UBE4A: variants seen among roughly 807,000 people sequenced by gnomAD.
UBE4A encodes the protein ubiquitin conjugation factor E4 A.
Under a neutral mutation model 117.9 loss-of-function variants are expected in UBE4A, and 48 were observed. The observed-to-expected ratio is 0.41, with a 90% CI of 0.32 to 0.52. The LOEUF is 0.52. Among genes scored for constraint, UBE4A ranks in the 20% least tolerant of loss-of-function variants. UBE4A has a pLI of 0.33. For missense variants in UBE4A, 1,067 were observed against 1,296.3 expected (o/e 0.82, Z 2.72); for synonymous variants, 407 against 450.0 (o/e 0.90, Z 1.21).
At chr11:118,373,736 C>A in intron 8 of UBE4A, 51 bp downstream of exon 8, 1 of 1,560,734 alleles carries the variant, frequency 6.4e-7, no homozygotes. Flanking sequence ...AAAGAGTTTT[C>A]TCAGAAAGCA....
chr11:118,390,809 G>A lies in UBE4A; in HGVS notation c.2916+5G>A. On this transcript the variant is annotated splice_donor_5th_base_variant and intron_variant, in intron 18 of 19. Coordinates refer to ENST00000252108, the MANE Select transcript of UBE4A (RefSeq NM_001204077.2). ...AACTTGGCAGAGAGAATCAAGGTGA[G>A]GAAGAGGAGGAATTGTTTGCTGATT... 1 of 1,609,502 alleles carries A rather than the reference G, an allele frequency of 6.2e-7. No individual in the cohort carries two copies. The highest frequency in any genetic ancestry group is 1.1e-5 in the South Asian group (1 of 90,970).
chr11:118,377,832 G>A (rs1379490475), intron 10 of UBE4A, among the ~76,000 whole-genome samples: 1 of 151,230 alleles, frequency 6.6e-6, no homozygotes, highest in Non-Finnish European at 1.5e-5. Context: ...AGGATCTCTT[G>A]AGCCTGGGAT....
chr11:118,364,123 C>G (rs148717352), intron 1 of UBE4A, among the ~76,000 whole-genome samples: 40 of 152,104 alleles, frequency 2.6e-4, no homozygotes, highest in African/African-American at 8.9e-4. Flanking sequence ...TTTAATATTT[C>G]TATGTCATGG....
At chr11:118,363,255 C>T (rs1948534122) in intron 1 of UBE4A, among the ~76,000 whole-genome samples, 11 of 152,022 alleles carry the variant, frequency 7.2e-5, no homozygotes, top group Admixed American at 7.2e-4. Flanking sequence ...AAATAAAATA[C>T]AGAAGGCCAG....
intron 9 of UBE4A, among the ~76,000 whole-genome samples, chr11:118,375,606 G>A (rs1480841103): frequency 6.6e-5 from 10 of 151,692 alleles, no homozygotes; most frequent in African/African-American, 1.9e-4. Flanking sequence ...TGATCCATCC[G>A]CCTCAGCCTC....
rs2134118440 is a variant in UBE4A at position 118,396,367 on chromosome 11, C to T, written c.3128C>T (p.Pro1043Leu). 6.2e-7 allele frequency: 1 copy of T among 1,613,754 alleles called. No homozygotes were observed. Among genetic ancestry groups the T allele is most frequent in the East Asian group, 2.2e-5 (1 of 44,848 alleles). The change falls in exon 20 of 20, where the codon CCA becomes CTA. Residue 1043 changes from proline to leucine, a missense_variant. By Grantham distance (98) the Pro-to-Leu change is moderately conservative. Transcript: ENST00000252108. Reference sequence around the variant, plus strand: ...CCCCTCACCATGGACCAGATCCGGCCAAACACAGAACTAAAAGAAAAAATC... The same window carrying T: ...CCCCTCACCATGGACCAGATCCGGCTAAACACAGAACTAAAAGAAAAAATC... Reference protein sequence around the residue: ...RSPLTMDQIRPNTELKEKIQR... With the variant: ...RSPLTMDQIRLNTELKEKIQR...
chr11:118,389,147 A>G (rs571105314), intron 16 of UBE4A, among the ~76,000 whole-genome samples: 3 of 152,242 alleles, frequency 2.0e-5, no homozygotes, highest in African/African-American at 7.2e-5. Context: ...AGATTATGTG[A>G]ATCACCCCTA....
intron 9 of UBE4A, 30 bp downstream of exon 9, chr11:118,375,259 T>G: frequency 6.8e-7 from 1 of 1,480,830 alleles, no homozygotes; most frequent in Non-Finnish European, 9.1e-7. Flanking sequence ...CTCAAAACTG[T>G]GTGTGTGTGT....
chr11:118,364,184 C>G (rs1261408596), intron 1 of UBE4A, among the ~76,000 whole-genome samples: 4 of 152,024 alleles, frequency 2.6e-5, no homozygotes, highest in African/African-American at 9.7e-5. Flanking sequence ...CCTGTTTATT[C>G]TGTTGTGCCA....
At chr11:118,394,207 G>A (rs537400902) in intron 19 of UBE4A, among the ~76,000 whole-genome samples, 5 of 152,216 alleles carry the variant, frequency 3.3e-5, no homozygotes, top group Admixed American at 2.6e-4. Flanking sequence ...CCAGGCTGGA[G>A]TGCAGTGGCA....
chr11:118,374,424 C>G (rs1415592410), intron 8 of UBE4A, among the ~76,000 whole-genome samples: 1 of 152,150 alleles, frequency 6.6e-6, no homozygotes, highest in Non-Finnish European at 1.5e-5. Flanking sequence ...TTTAAGTCCC[C>G]TAATCATTAA....
Position 118,365,183 on chromosome 11 carries a change from C to A in UBE4A, c.103C>A (p.Gln35Lys). 6.2e-7 allele frequency: 1 copy of A among 1,609,490 alleles called. No individual in the cohort carries two copies. Among genetic ancestry groups the A allele is most frequent in the East Asian group, 2.2e-5 (1 of 44,510 alleles). The change falls in exon 2 of 20, where the codon CAG becomes AAG. Residue 35 changes from glutamine to lysine, a missense_variant. This residue lies in a region of UBE4A where 1,001 missense variants were observed against 1,184.0 expected (regional missense o/e 0.85). Transcript: ENST00000252108. The part of the protein sequence containing the change: ...AKQFAAIQKE[Q>K]LKQQSDELPA... ...ACAGTTTGCGGCAATCCAAAAAGAG[C>A]AGCTGAAGCAACAATCTGGTAAGTG...
At chr11:118,386,645 A>C in intron 16 of UBE4A, 33 bp downstream of exon 16, 1 of 1,492,790 alleles carries the variant, frequency 6.7e-7, no homozygotes, top group Admixed American at 2.5e-5. Flanking sequence ...CCCCCCAAAA[A>C]AGTAATGGCC....
At chr11:118,388,930 C>T (rs1948785701) in intron 16 of UBE4A, among the ~76,000 whole-genome samples, 1 of 152,074 alleles carries the variant, frequency 6.6e-6, no homozygotes, top group South Asian at 2.1e-4. Flanking sequence ...GATCGTGCCA[C>T]TGCACTGCAG....
intron 11 of UBE4A, among the ~76,000 whole-genome samples, chr11:118,381,061 C>T (rs1197843827): frequency 2.6e-5 from 4 of 152,112 alleles, no homozygotes; most frequent in Admixed American, 2.6e-4. Flanking sequence ...CCACAGTCAC[C>T]TAACATATTA....
Position 118,379,383 on chromosome 11 carries a change from G to C in UBE4A, c.1572-63G>C, listed in dbSNP as rs562921450. 510 of 1,501,972 alleles carry C rather than the reference G, an allele frequency of 3.4e-4. 4 individuals are homozygous for C. The South Asian group carries it at 5.2e-3, about 15-fold the overall frequency. The allele number at this position is 1,501,972 out of a possible 1,614,324, so 93.0% of individuals were successfully genotyped here. ...AGAGAAGGCTAGATAAATAATTGAGGATTTGTTTTTTTGTGACTTTCTGTT... is the reference window on the plus strand; with the variant it reads ...AGAGAAGGCTAGATAAATAATTGAGCATTTGTTTTTTTGTGACTTTCTGTT... On this transcript the variant is annotated intron_variant, in intron 10 of 19. Coordinates refer to ENST00000252108, the MANE Select transcript of UBE4A (RefSeq NM_001204077.2).
chr11:118,393,139 G>A (rs569912264), intron 19 of UBE4A, among the ~76,000 whole-genome samples: 24 of 152,170 alleles, frequency 1.6e-4, no homozygotes, highest in African/African-American at 4.8e-4. Context: ...ATTTCTGGCC[G>A]GGTGCAGTGG....
Position 118,376,609 on chromosome 11 carries a change from C to T in UBE4A, c.1486C>T (p.Gln496Ter). 1 of 1,613,574 alleles carries T rather than the reference C, an allele frequency of 6.2e-7. No individual in the cohort carries two copies. Among genetic ancestry groups the T allele is most frequent in the Non-Finnish European group, 8.5e-7 (1 of 1,179,918 alleles). ...AGAAACCTGTTTGATCCCAGCTGTG[C>T]AGGAGCCGAAGTTTCCACAGAACTA... is the stretch of plus-strand genomic sequence containing the variant. ...DKETCLIPAV[Q>*]EPKFPQNYNL... Residue 496 changes from glutamine (Q) to a stop codon, truncating the protein, a stop_gained, in exon 10 of 20, where the codon CAG becomes TAG. Coordinates refer to ENST00000252108, the MANE Select transcript of UBE4A (RefSeq NM_001204077.2). LOFTEE classifies it high-confidence loss of function.
intron 7 of UBE4A, 63 bp downstream of exon 7, chr11:118,373,351 T>C: frequency 6.4e-7 from 1 of 1,571,038 alleles, no homozygotes; most frequent in Non-Finnish European, 8.7e-7. Flanking sequence ...TGCTTCCCTA[T>C]CCTGAAGACA....
Sources: gnomAD v4.1 joint callset for allele counts (sites outside exome capture counted in the v4.1 genomes callset) on GRCh38, gnomAD v4.1.1 for gene constraint, gnomAD v4.1.1 regional missense constraint, MANE v1.5 for transcripts, NCBI Gene and HGNC (gene_info 2026-07-23, HGNC 2026-07-21) for gene names.